Variants in ABCG8 observed in about 807,000 individuals in gnomAD.
ABCG8 encodes the protein ATP binding cassette subfamily G member 8.
In ABCG8, 81 loss-of-function variants were observed where a neutral mutation model predicts 71.3. That is an observed-to-expected ratio of 1.14 (90% CI 0.95 to 1.37). The LOEUF is 1.37. ABCG8 is among the 40% of genes most tolerant of loss of function. The probability of loss-of-function intolerance (pLI) is 0.00; values close to 1 mark genes in which losing one functional copy is unlikely to be tolerated. For synonymous variants in ABCG8, 451 were observed against 354.7 expected, an observed-to-expected ratio of 1.27 and a Z score of -3.05; for missense variants, 1,119 against 866.2, an observed-to-expected ratio of 1.29 and a Z score of -3.66.
In ABCG8 at chr2:43,873,977, A is replaced by G. The variant is rs1268217005; in HGVS notation, c.1402A>G (p.Ile468Val). ...CCCTTTCAACGTCATTCTGGATGTC[A>G]TCTCCAAATGTGAGTGTGGCCCACT... ...LIPFNVILDV[I>V]SKCYSERAML... Residue 468 changes from isoleucine to valine, a missense_variant, in exon 9 of 13, where the codon ATC becomes GTC. Physicochemically the swap from Ile to Val is conservative, Grantham distance 29. Transcript: ENST00000272286. 5 of 1,613,876 alleles carry G rather than the reference A, an allele frequency of 3.1e-6. No individual in the cohort carries two copies. Among genetic ancestry groups the G allele is most frequent in the Admixed American group, 1.7e-5 (1 of 60,004 alleles).
At chr2:43,873,343 C>T (rs556064796) in intron 8 of ABCG8, among the ~76,000 whole-genome samples, 6 of 152,080 alleles carry the variant, frequency 3.9e-5, no homozygotes, top group Admixed American at 2.6e-4. Flanking sequence ...TGTGTGCCAC[C>T]ACTCCTGACT....
intron 11 of ABCG8, 127 bp downstream of exon 11, chr2:43,875,540 G>C (rs1372068479): frequency 6.3e-6 from 8 of 1,267,092 alleles, no homozygotes; most frequent in Non-Finnish European, 8.6e-6. Flanking sequence ...TCTGGAAGCA[G>C]AGGCCTTTGC....
chr2:43,880,332 C>A lies in ABCG8; in HGVS notation c.*2419C>A, dbSNP rs1003324694. 6.6e-6 allele frequency: 1 copy of A among 151,642 alleles called. No homozygotes were observed. Among genetic ancestry groups the A allele is most frequent in the Non-Finnish European group, 1.5e-5 (1 of 67,888 alleles). The allele number at this position is 151,642 out of a possible 1,614,324, so 9.4% of individuals were successfully genotyped here. On this transcript the variant is annotated 3_prime_UTR_variant, in exon 13 of 13. Coordinates refer to ENST00000272286, the MANE Select transcript of ABCG8 (RefSeq NM_022437.3). ...GGGATTAACAGTGCCCACCACCACA[C>A]CTGGCTAATTTTTGTATTTTTAGTA...
At chr2:43,874,019 A>G in intron 9 of ABCG8, 33 bp downstream of exon 9, 1 of 1,608,838 alleles carries the variant, frequency 6.2e-7, no homozygotes, top group Non-Finnish European at 8.5e-7. Flanking sequence ...GGCAGGCAGG[A>G]CCTCAGCCAC....
chr2:43,879,741 C>T lies in ABCG8; in HGVS notation c.*1828C>T, dbSNP rs1414467456. On this transcript the variant is annotated 3_prime_UTR_variant, in exon 13 of 13. Transcript: ENST00000272286. ...TTCCTTCACTTTTGTGACCTTGATACTTGAGTTTGAAGGCTGTCTCTCAAT... is the reference window on the plus strand; with the variant it reads ...TTCCTTCACTTTTGTGACCTTGATATTTGAGTTTGAAGGCTGTCTCTCAAT... The T allele has an allele frequency of 6.6e-6, 1 of 152,160 alleles. No homozygotes were observed. The highest frequency in any genetic ancestry group is 2.4e-5 in the African/African-American group (1 of 41,418). 9.4% of individuals were successfully genotyped at this position (152,160 alleles called of 1,614,324 possible).
At chr2:43,868,714 G>T (rs1669634199) in intron 6 of ABCG8, among the ~76,000 whole-genome samples, 1 of 151,864 alleles carries the variant, frequency 6.6e-6, no homozygotes, top group African/African-American at 2.4e-5. Flanking sequence ...CTCAGCATCT[G>T]GATATAATTC....
chr2:43,874,490 G>C lies in ABCG8; in HGVS notation c.1488+7G>C. 6.3e-7 allele frequency: 1 copy of C among 1,596,730 alleles called. No individual in the cohort carries two copies. Among genetic ancestry groups the C allele is most frequent in the Non-Finnish European group, 8.5e-7 (1 of 1,172,778 alleles). On this transcript the variant is annotated splice_region_variant and intron_variant, in intron 10 of 12. Coordinates refer to ENST00000272286, the MANE Select transcript of ABCG8 (RefSeq NM_022437.3). ...TCCATATTTCTTTGCCAAGGTGACTGGGCAGGGTTGAGAGCAAGTGCCCCC... is the reference window on the plus strand; with the variant it reads ...TCCATATTTCTTTGCCAAGGTGACTCGGCAGGGTTGAGAGCAAGTGCCCCC...
At chr2:43,858,715 A>C (rs1336831162) in intron 6 of ABCG8, among the ~76,000 whole-genome samples, 1 of 147,540 alleles carries the variant, frequency 6.8e-6, no homozygotes, top group East Asian at 2.1e-4. Flanking sequence ...TCTGGATAGA[A>C]TTCTCACCGT....
rs1670124410 is a variant in ABCG8 at position 43,881,255 on chromosome 2, CCATTT to C, written c.*3343_*3347del. On this transcript the variant is annotated 3_prime_UTR_variant, in exon 13 of 13. Coordinates refer to ENST00000272286, the MANE Select transcript of ABCG8 (RefSeq NM_022437.3). ...AGGGATGGAGAAAATATAGCAGCTG[CCATTT>C]ATTTGTGTTTTTCCTACAGCGGTGG... The C allele has an allele frequency of 6.6e-6, 1 of 152,212 alleles. No individual in the cohort carries two copies. The highest frequency in any genetic ancestry group is 2.4e-5 in the African/African-American group (1 of 41,452). The allele number at this position is 152,212 out of a possible 1,614,324, so 9.4% of individuals were successfully genotyped here. A position where few individuals can be genotyped will look rare whatever the true frequency, so the allele number is the denominator to read the frequency against.
chr2:43,852,251 C>T, intron 4 of ABCG8, 103 bp from the exon 5 acceptor site: 1 of 1,548,678 alleles, frequency 6.5e-7, no homozygotes. Context: ...CCTTCACTTT[C>T]AAACCCAGCC....
At chr2:43,839,428 T>C (rs1668488829) in intron 1 of ABCG8, among the ~76,000 whole-genome samples, 1 of 80,096 alleles carries the variant, frequency 1.2e-5, no homozygotes, top group Non-Finnish European at 2.5e-5. Context: ...TTTTTTTTTT[T>C]TTTTTTTTTT....
rs1463992515 is a variant in ABCG8, at chr2:43,872,153, G to A, written c.1127+15G>A. The A allele has an allele frequency of 3.1e-6, 5 of 1,614,056 alleles. No homozygotes were observed. The highest frequency in any genetic ancestry group is 1.3e-5 in the African/African-American group (1 of 75,040). ...TGTGTGGAAAGGTAAGGTGGCAGGC[G>A]ACTCTGAGAGGAGAGCTCCCTGCAG... is the stretch of plus-strand genomic sequence containing the variant. On this transcript the variant is annotated intron_variant, in intron 7 of 12. Transcript: ENST00000272286.
rs1419613572 is a variant in ABCG8, at chr2:43,838,997, C to T, written c.-57C>T. On this transcript the variant is annotated 5_prime_UTR_variant, in exon 1 of 13. Transcript: ENST00000272286. This position sits in a 1 kb window ranked among gnomAD's most constrained non-coding sequence, Gnocchi z 4.2. ...AACAGAGTGAAGACACTGGCCCTGGCAGGCAGCAGCTGGGTCTAAGAGAGC... is the reference window on the plus strand; with the variant it reads ...AACAGAGTGAAGACACTGGCCCTGGTAGGCAGCAGCTGGGTCTAAGAGAGC... The T allele has an allele frequency of 2.0e-6, 3 of 1,514,616 alleles. No individual in the cohort carries two copies. Among genetic ancestry groups the T allele is most frequent in the Non-Finnish European group, 2.7e-6 (3 of 1,115,338 alleles). The allele number at this position is 1,514,616 out of a possible 1,614,324, so 93.8% of individuals were successfully genotyped here.
chr2:43,866,560 G>T (rs1228451732), intron 6 of ABCG8, among the ~76,000 whole-genome samples: 1 of 152,088 alleles, frequency 6.6e-6, no homozygotes, highest in Admixed American at 6.5e-5. Context: ...CTTCTCAAAA[G>T]AAGACATTTA....
At chr2:43,863,813 T>A (rs1669422437) in intron 6 of ABCG8, among the ~76,000 whole-genome samples, 1 of 151,416 alleles carries the variant, frequency 6.6e-6, no homozygotes, top group African/African-American at 2.4e-5. Context: ...TCACTACCTG[T>A]CTGGATAGAA....
At chr2:43,877,060 C>A (rs1038387511) in intron 11 of ABCG8, among the ~76,000 whole-genome samples, 21 of 136,808 alleles carry the variant, frequency 1.5e-4, no homozygotes, top group African/African-American at 5.3e-4. Context: ...TGGGGAGACT[C>A]TAGTAATATG....
At chr2:43,860,193 A>G (rs1466606846) in intron 6 of ABCG8, among the ~76,000 whole-genome samples, 5 of 151,476 alleles carry the variant, frequency 3.3e-5, no homozygotes, top group African/African-American at 1.2e-4. Flanking sequence ...ATCTGTCTGG[A>G]TAGAATTCTC....
At position 43,880,507 on chromosome 2, in the gene ABCG8, C is replaced by G. The variant is rs1191998635; in HGVS notation, c.*2594C>G. The G allele has an allele frequency of 1.3e-5, 2 of 152,096 alleles. No individual in the cohort carries two copies. Among genetic ancestry groups the G allele is most frequent in the Non-Finnish European group, 2.9e-5 (2 of 68,024 alleles). 9.4% of individuals were successfully genotyped at this position (152,096 alleles called of 1,614,324 possible). On this transcript the variant is annotated 3_prime_UTR_variant, in exon 13 of 13. Coordinates refer to ENST00000272286, the MANE Select transcript of ABCG8 (RefSeq NM_022437.3). ...TCATCTTGTATTTTCCCATCTCAGC[C>G]CTGGAATCCGATGTTTCTCCAGAGA...
In ABCG8 at chr2:43,877,781, C is replaced by G. The variant is rs1186367542; in HGVS notation, c.1890C>G (p.Leu630=). The part of the protein sequence containing the change: ...LTIAVSGDKI[L]SVMELDSYPL... ...CTGCATGTCTGTGTCTCCAGATCCT[C>G]AGTGTCATGGAGCTGGACTCGTACC... is the stretch of plus-strand genomic sequence containing the variant. Residue 630 remains leucine, a synonymous_variant, in exon 13 of 13, where the codon CTC becomes CTG. Transcript: ENST00000272286. 2 of 1,614,186 alleles carry G rather than the reference C, an allele frequency of 1.2e-6. No individual in the cohort carries two copies. Among genetic ancestry groups the G allele is most frequent in the Non-Finnish European group, 8.5e-7 (1 of 1,180,036 alleles).
Sources: allele counts gnomAD v4.1 joint callset (sites outside exome capture counted in the v4.1 genomes callset), GRCh38; gene constraint gnomAD v4.1.1; non-coding constraint Gnocchi (gnomAD v3.1); transcripts MANE v1.5; gene names NCBI Gene and HGNC (gene_info 2026-07-23, HGNC 2026-07-21).